Variants in FGF13 observed in about 807,000 individuals in gnomAD.
FGF13 encodes fibroblast growth factor 13, also known as fibroblast growth factor homologous factor 2.
FGF13 carries 2 observed loss-of-function variants against 19.5 expected under a neutral mutation model. The observed-to-expected ratio is 0.10, with a 90% CI of 0.04 to 0.32. The LOEUF (loss-of-function observed/expected upper bound fraction) is 0.32. FGF13 is among the 10% of genes least tolerant of loss of function. The probability of loss-of-function intolerance (pLI) is 1.00; values close to 1 mark genes in which losing one functional copy is unlikely to be tolerated. For synonymous variants in FGF13, 72 were observed against 76.9 expected, an observed-to-expected ratio of 0.94 and a Z score of 0.33; for missense variants, 113 against 192.7, an observed-to-expected ratio of 0.59 and a Z score of 2.45.
intron 1 of FGF13, among the ~76,000 whole-genome samples, chrX:139,083,517 T>C (rs1286696457): frequency 8.9e-6 from 1 of 112,270 alleles, no homozygotes; most frequent in East Asian, 2.8e-4. Flanking sequence ...TCCTTCCTTT[T>C]TTGCCACTGA....
At position 138,711,215 on chromosome X, in the gene FGF13, C is replaced by T. The variant is rs1354564387; in HGVS notation, c.-212G>A. On this transcript the variant is annotated 5_prime_UTR_variant, in exon 1 of 5. Transcript: ENST00000315930. ...TCCTCCGGCGGCGGTCCGGCTCCCG[C>T]GCGGGCTGCTGGCTGCCTGGGTCGG... The T allele has an allele frequency of 9.5e-7, 1 of 1,057,601 alleles. No homozygotes were observed. Among genetic ancestry groups the T allele is most frequent in the Non-Finnish European group, 1.2e-6 (1 of 826,595 alleles). The allele number at this position is 1,057,601 out of a possible 1,213,427, so 87.2% of individuals were successfully genotyped here.
At chrX:138,892,032 G>GTGTGTGTGTGTGTGTGTGTGTGTGTA (rs1569419135) in intron 1 of FGF13, among the ~76,000 whole-genome samples, 1 of 108,301 alleles carries the variant, frequency 9.2e-6, no homozygotes, top group African/African-American at 3.4e-5. Context: ...GTGTGTGTGT[G>GTGTGTGTGTGTGTGTGTGTGTGTGTA]TATTATCTCC....
chrX:138,831,506 A>G (rs760825033), intron 3 of FGF13, among the ~76,000 whole-genome samples: 82 of 111,581 alleles, frequency 7.3e-4, no homozygotes, highest in African/African-American at 2.4e-3. Flanking sequence ...GAGTCAAAGG[A>G]GATTATTCTC....
chrX:139,173,433 G>T (rs183920550), intron 1 of FGF13, among the ~76,000 whole-genome samples: 2,335 of 109,954 alleles, frequency 0.021, 43 homozygotes, highest in African/African-American at 0.061. Context: ...TTTAAGTTCT[G>T]GGATACATGG....
intron 3 of FGF13, among the ~76,000 whole-genome samples, chrX:138,813,203 G>A (rs2090939203): frequency 9.0e-6 from 1 of 111,362 alleles, no homozygotes; most frequent in Non-Finnish European, 1.9e-5. Context: ...GGGATTGCTG[G>A]GTCAAATGGT....
intron 3 of FGF13, among the ~76,000 whole-genome samples, chrX:138,773,431 C>T (rs1013177633): frequency 8.0e-5 from 9 of 112,127 alleles, no homozygotes; most frequent in African/African-American, 2.6e-4. Context: ...GGAGTGCAAA[C>T]ATGTCATTAT....
chrX:138,864,077 C>G (rs767941327), intron 2 of FGF13, among the ~76,000 whole-genome samples: 2 of 111,935 alleles, frequency 1.8e-5, no homozygotes, highest in Non-Finnish European at 3.8e-5. Flanking sequence ...AAAATGCCTC[C>G]GGACATTGTC....
chrX:138,742,728 C>CT (rs1186181869), upstream of FGF13, among the ~76,000 whole-genome samples: 1 of 112,131 alleles, frequency 8.9e-6, no homozygotes, highest in Non-Finnish European at 1.9e-5. Context: ...AATCAATACT[C>CT]TGCCCTCTTC....
At chrX:139,204,038 G>A (rs766412733), upstream of FGF13, 1 of 1,206,766 alleles carries the variant, frequency 8.3e-7, no homozygotes, top group East Asian at 3.0e-5. Context: ...GAAAGCAGGC[G>A]GACTCGGCGG....
chrX:139,016,300 G>A lies in FGF13; in HGVS notation c.-112-151650C>T, dbSNP rs1433647264. ...TGATAACAAGCAATATGTGAAAAGAGGGGGGAAAGTACTATTATCTCTATT... is the reference window on the plus strand; with the variant it reads ...TGATAACAAGCAATATGTGAAAAGAAGGGGGAAAGTACTATTATCTCTATT... On this transcript the variant is annotated intron_variant, in intron 1 of 2. Coordinates refer to the FGF13 transcript ENST00000421460. Among the ~76,000 whole-genome samples, 3 of 111,522 alleles carry A rather than the reference G, an allele frequency of 2.7e-5. No individual in the cohort carries two copies. The Admixed American group carries it at 2.9e-4, about 11-fold the overall frequency.
chrX:138,795,083 A>G (rs903437329), intron 3 of FGF13, among the ~76,000 whole-genome samples: 6 of 111,794 alleles, frequency 5.4e-5, no homozygotes, highest in African/African-American at 1.9e-4. Context: ...CAAGAAGCTA[A>G]ACTGTAGGTG....
intron 1 of FGF13, among the ~76,000 whole-genome samples, chrX:139,032,816 T>C (rs944176643): frequency 1.8e-5 from 2 of 109,515 alleles, no homozygotes; most frequent in Non-Finnish European, 3.8e-5. Context: ...ATTTCTTTAT[T>C]CAGTTCTCTA....
intron 1 of FGF13, chrX:138,984,910 A>G (rs1161397555): frequency 7.0e-6 from 2 of 285,621 alleles, no homozygotes; most frequent in Non-Finnish European, 1.4e-5. Context: ...ATGAAAATAC[A>G]ACTGGGGATG....
rs57605613 is a variant in FGF13, at chrX:139,054,861, A to AGTGTTGTGTTGTGTT, written c.-113+148540_-113+148554dup. Among the ~76,000 whole-genome samples, 679 of 81,930 alleles carry AGTGTTGTGTTGTGTT rather than the reference A, an allele frequency of 8.3e-3. 7 individuals are homozygous for AGTGTTGTGTTGTGTT. Among genetic ancestry groups the AGTGTTGTGTTGTGTT allele is most frequent in the South Asian group, 0.059 (78 of 1,333 alleles). 71.1% of individuals were successfully genotyped at this position (81,930 alleles called of 115,157 possible). A position where few individuals can be genotyped will look rare whatever the true frequency, so the allele number is the denominator to read the frequency against. On this transcript the variant is annotated intron_variant, in intron 1 of 2. Transcript: ENST00000421460. ...ACCTCCTTGGTTAGGTATATTCCTAAGTGTTGTGTTGTGTTGTGTTGTGTT... is the reference window on the plus strand; with the variant it reads ...ACCTCCTTGGTTAGGTATATTCCTAAGTGTTGTGTTGTGTTGTGTTGTGTTGTGTTGTGTTGTGTT...
At chrX:138,797,997 G>C (rs779134591) in intron 3 of FGF13, among the ~76,000 whole-genome samples, 1 of 111,782 alleles carries the variant, frequency 8.9e-6, no homozygotes, top group East Asian at 2.8e-4. Context: ...ATACAATCAC[G>C]TCGTCTGCAA....
intron 1 of FGF13, among the ~76,000 whole-genome samples, chrX:138,897,353 C>T (rs1343287683): frequency 1.8e-5 from 2 of 110,875 alleles, no homozygotes; most frequent in Non-Finnish European, 3.8e-5. Flanking sequence ...AAGTCTGTTG[C>T]TCCTTTGGCT....
At chrX:139,043,574 A>C (rs1364631460) in intron 1 of FGF13, among the ~76,000 whole-genome samples, 2 of 111,030 alleles carry the variant, frequency 1.8e-5, no homozygotes, top group Non-Finnish European at 3.8e-5. Context: ...CAACAAGTTA[A>C]ACATAGAATT....
rs1349547280 is a variant in FGF13, at chrX:138,625,461, T to TATATATATACATATATATATATA, written c.*7366_*7388dup. On this transcript the variant is annotated 3_prime_UTR_variant, in exon 5 of 5. Coordinates refer to ENST00000315930, the MANE Select transcript of FGF13 (RefSeq NM_004114.5). ...ACAGATGAATGAAGAAAGAAAATTA[T>TATATATATACATATATATATATA]ATATATATACATATATATATATAAT... is the stretch of plus-strand genomic sequence containing the variant. The TATATATATACATATATATATATA allele has an allele frequency of 1.0e-5, 1 of 96,300 alleles. No individual in the cohort carries two copies. Among genetic ancestry groups the TATATATATACATATATATATATA allele is most frequent in the Non-Finnish European group, 2.0e-5 (1 of 48,987 alleles). 7.9% of individuals were successfully genotyped at this position (96,300 alleles called of 1,213,427 possible).
chrX:138,684,345 T>C (rs1160129590), intron 3 of FGF13, among the ~76,000 whole-genome samples: 1 of 111,694 alleles, frequency 9.0e-6, no homozygotes, highest in African/African-American at 3.2e-5. Flanking sequence ...CACACATAAT[T>C]TGAACCTCCA....
Sources: gnomAD v4.1 joint callset for allele counts (sites outside exome capture counted in the v4.1 genomes callset) on GRCh38, gnomAD v4.1.1 for gene constraint, MANE v1.5 for transcripts, NCBI Gene and HGNC (gene_info 2026-07-23, HGNC 2026-07-21) for gene names.